FLT3: variants seen among roughly 807,000 people sequenced by gnomAD.
The protein encoded by FLT3 is receptor-type tyrosine-protein kinase FLT3.
In FLT3, 46 loss-of-function variants were observed where a neutral mutation model predicts 126.6. The observed-to-expected ratio is 0.36, with a 90% CI of 0.29 to 0.46. The LOEUF (loss-of-function observed/expected upper bound fraction) is 0.46. Ranked by LOEUF, FLT3 falls within the 20% of genes least tolerant of loss-of-function variation. The pLI is 1.00. For missense variants in FLT3, 1,069 were observed against 1,190.3 expected, an observed-to-expected ratio of 0.90 and a Z score of 1.50; for synonymous variants, 404 against 434.4, an observed-to-expected ratio of 0.93 and a Z score of 0.87.
chr13:28,043,663 TA>T (rs1490537001), intron 9 of FLT3, among the ~76,000 whole-genome samples: 2 of 152,240 alleles, frequency 1.3e-5, no homozygotes, highest in African/African-American at 4.8e-5. Context: ...AACTTATTAG[TA>T]AATTTGAAAC....
At position 28,026,976 on chromosome 13, in the gene FLT3, A is replaced by T. The variant is rs529510050; in HGVS notation, c.2207+112T>A. 3.6e-6 allele frequency: 3 copies of T among 842,908 alleles called. No individual in the cohort carries two copies. The African/African-American group carries it at 5.1e-5, about 14-fold the overall frequency. 52.2% of individuals were successfully genotyped at this position (842,908 alleles called of 1,614,324 possible). A position where few individuals can be genotyped will look rare whatever the true frequency, so the allele number is the denominator to read the frequency against. On this transcript the variant is annotated intron_variant, in intron 17 of 23. Coordinates refer to ENST00000241453, the MANE Select transcript of FLT3 (RefSeq NM_004119.3). ...ATTCAGGAAATCTCTAGGTTGCAGG[A>T]CCCACAGACTTCACGGTGCCTTTAG...
At chr13:28,054,218 C>T (rs1263617725) in intron 4 of FLT3, among the ~76,000 whole-genome samples, 1 of 152,092 alleles carries the variant, frequency 6.6e-6, no homozygotes, top group African/African-American at 2.4e-5. Context: ...TATGAGAGCA[C>T]CTATTGCTTT....
chr13:28,042,026 C>T (rs1265163760), intron 9 of FLT3, among the ~76,000 whole-genome samples: 17 of 151,818 alleles, frequency 1.1e-4, no homozygotes, highest in South Asian at 2.1e-4. Context: ...CGGTGGCACA[C>T]GCCTGTAATC....
At chr13:28,056,406 C>CG (rs1252074039) in intron 4 of FLT3, among the ~76,000 whole-genome samples, 2 of 152,084 alleles carry the variant, frequency 1.3e-5, no homozygotes, top group East Asian at 3.9e-4. Flanking sequence ...GTCAATGTGT[C>CG]GGGGGGACCT....
At position 28,058,380 on chromosome 13, in the gene FLT3, C is replaced by T. The variant is rs190171162; in HGVS notation, c.369-918G>A. ...ATACAAAATTAGCTGGGTGGGGTGGCGCATGCCTGTAATCCCAGCTACTCA... is the reference window on the plus strand; with the variant it reads ...ATACAAAATTAGCTGGGTGGGGTGGTGCATGCCTGTAATCCCAGCTACTCA... On this transcript the variant is annotated intron_variant, in intron 3 of 23. Coordinates refer to ENST00000241453, the MANE Select transcript of FLT3 (RefSeq NM_004119.3). Among the ~76,000 whole-genome samples, 28 of 151,750 alleles carry T rather than the reference C, an allele frequency of 1.8e-4. No individual in the cohort carries two copies. The East Asian group carries it at 4.9e-3, about 26-fold the overall frequency.
At chr13:28,047,320 ATTAGT>A (rs1400236514) in intron 9 of FLT3, among the ~76,000 whole-genome samples, 1 of 152,214 alleles carries the variant, frequency 6.6e-6, no homozygotes. Context: ...GTTCCATAGC[ATTAGT>A]TTAAAGAGAC....
chr13:28,100,447 A>G lies in FLT3; in HGVS notation c.43+21T>C, dbSNP rs2137844298. 8.3e-7 allele frequency: 1 copy of G among 1,207,176 alleles called. No homozygotes were observed. Among genetic ancestry groups the G allele is most frequent in the Non-Finnish European group, 1.0e-6 (1 of 970,516 alleles). The allele number at this position is 1,207,176 out of a possible 1,614,324, so 74.8% of individuals were successfully genotyped here. A position where few individuals can be genotyped will look rare whatever the true frequency, so the allele number is the denominator to read the frequency against. Reference sequence around the variant, plus strand: ...GGCTGAGGGACCGCGAGGGGCTGCGAGCGAGCGAGCGGGGCCTTACCGAGC... The same window carrying G: ...GGCTGAGGGACCGCGAGGGGCTGCGGGCGAGCGAGCGGGGCCTTACCGAGC... On this transcript the variant is annotated intron_variant, in intron 1 of 23. Coordinates refer to ENST00000241453, the MANE Select transcript of FLT3 (RefSeq NM_004119.3). The surrounding 1 kb of genome is among the most constrained non-coding windows in gnomAD (Gnocchi z 4.8).
intron 1 of FLT3, among the ~76,000 whole-genome samples, chr13:28,084,704 A>T (rs1240908269): frequency 6.6e-6 from 1 of 152,148 alleles, no homozygotes; most frequent in Non-Finnish European, 1.5e-5. Context: ...AGCCGGGCGC[A>T]GTGGCTCATG....
At chr13:28,024,838 T>C (rs369926273) in intron 18 of FLT3, 23 bp downstream of exon 18, 425 of 1,430,618 alleles carry the variant, frequency 3.0e-4, no homozygotes, top group Non-Finnish European at 4.0e-4. Context: ...TTTAAAGTGC[T>C]ACTACTTAGA....
At chr13:28,092,385 T>C (rs1423221976) in intron 1 of FLT3, among the ~76,000 whole-genome samples, 2 of 151,966 alleles carry the variant, frequency 1.3e-5, no homozygotes, top group Non-Finnish European at 2.9e-5. Flanking sequence ...CTGTTTTTTT[T>C]AGATAGGGTC....
chr13:28,027,828 T>C (rs113784426), intron 16 of FLT3, among the ~76,000 whole-genome samples: 2,216 of 152,314 alleles, frequency 0.015, 50 homozygotes, highest in African/African-American at 0.049. Flanking sequence ...ACTGGGGCAG[T>C]GGCCAGGCTC....
intron 3 of FLT3, among the ~76,000 whole-genome samples, chr13:28,059,968 AT>A (rs1876385878): frequency 1.3e-3 from 1 of 750 alleles, no homozygotes; most frequent in South Asian, 0.12. Flanking sequence ...CAATAAATAA[AT>A]AAATAAATAA....
chr13:28,078,180 G>A (rs918005912), intron 1 of FLT3, among the ~76,000 whole-genome samples: 1 of 152,180 alleles, frequency 6.6e-6, no homozygotes, highest in Non-Finnish European at 1.5e-5. Context: ...GCTCCAGTAG[G>A]CAGTGCTTCA....
intron 9 of FLT3, among the ~76,000 whole-genome samples, chr13:28,039,555 T>C (rs1385054612): frequency 1.3e-5 from 2 of 150,530 alleles, no homozygotes; most frequent in Admixed American, 6.6e-5. Context: ...AAACTTTTTT[T>C]TTTTTTTTTT....
In FLT3 at chr13:28,037,221, C is replaced by T. The variant is rs200949858; in HGVS notation, c.1273G>A (p.Ala425Thr). The part of the protein sequence containing the change: ...EYIFHAENDD[A>T]QFTKMFTLNI... Reference sequence around the variant, plus strand: ...AGCGTGAACATTTTGGTAAATTGGGCATCATCATTTTCTGCATGGAATATA... The same window carrying T: ...AGCGTGAACATTTTGGTAAATTGGGTATCATCATTTTCTGCATGGAATATA... Residue 425 changes from alanine to threonine, a missense_variant, in exon 10 of 24, where the codon GCC becomes ACC. Transcript: ENST00000241453. 4.5e-5 allele frequency: 73 copies of T among 1,608,652 alleles called. No individual in the cohort carries two copies. In the East Asian group the frequency reaches 1.4e-3, roughly 30 times the overall value.
chr13:28,015,184 T>C lies in FLT3; in HGVS notation c.2726A>G (p.Asp909Gly), dbSNP rs1327136575. 18 of 1,606,628 alleles carry C rather than the reference T, an allele frequency of 1.1e-5. No homozygotes were observed. The highest frequency in any genetic ancestry group is 1.6e-4 in the Middle Eastern group (1 of 6,070). The change falls in exon 22 of 24, where the codon GAT (aspartate) becomes GGT (glycine). Residue 909 changes from aspartate to glycine, a missense_variant. Transcript: ENST00000241453. ...YKLIQNGFKM[D>G]QPFYATEEIY... The stretch of plus-strand genomic sequence containing the variant: ...TTCTTCTGTAGCATAAAATGGCTGA[T>C]CCATTTTAAATCCATTTTGAATCAG...
At chr13:28,033,114 G>T (rs1398388479) in intron 15 of FLT3, among the ~76,000 whole-genome samples, 1 of 150,146 alleles carries the variant, frequency 6.7e-6, no homozygotes, top group Non-Finnish European at 1.5e-5. Context: ...CCAGGAGTTT[G>T]CAACCATCCT....
At chr13:28,075,365 A>G (rs4399415) in intron 1 of FLT3, among the ~76,000 whole-genome samples, 107,365 of 152,082 alleles carry the variant, frequency 0.71, 39,819 homozygotes, top group East Asian at 0.95. Flanking sequence ...TACACATTCT[A>G]TGGAGGTCAC....
At chr13:28,069,504 A>G (rs1877314161) in intron 2 of FLT3, among the ~76,000 whole-genome samples, 1 of 152,144 alleles carries the variant, frequency 6.6e-6, no homozygotes, top group African/African-American at 2.4e-5. Flanking sequence ...TGGAAAATCT[A>G]CCTATATACT....
Sources: allele counts gnomAD v4.1 joint callset (sites outside exome capture counted in the v4.1 genomes callset), GRCh38; gene constraint gnomAD v4.1.1; non-coding constraint Gnocchi (gnomAD v3.1); transcripts MANE v1.5; gene names NCBI Gene and HGNC (gene_info 2026-07-23, HGNC 2026-07-21).